Variants in RYR2 observed in about 807,000 individuals in gnomAD.
RYR2 encodes the protein cardiac muscle ryanodine receptor-calcium release channel.
In RYR2, 227 loss-of-function variants were observed where a neutral mutation model predicts 601.1. That is an observed-to-expected ratio of 0.38 (90% CI 0.34 to 0.42). RYR2 has a LOEUF of 0.42. RYR2 is among the 10% of genes least tolerant of loss of function. RYR2 has a pLI of 1.00. For synonymous variants in RYR2, 2,223 were observed against 2,175.1 expected (o/e 1.02, Z -0.61); for missense variants, 4,646 against 6,156.5 (o/e 0.75, Z 8.21).
At chr1:237,198,842 C>CTT (rs11377436) in intron 1 of RYR2, among the ~76,000 whole-genome samples, 2,710 of 147,942 alleles carry the variant, frequency 0.018, 60 homozygotes, top group African/African-American at 0.044. Flanking sequence ...ATTTTCTTAT[C>CTT]TTTTTTTTTT....
chr1:237,807,411 C>T (rs1660752032), intron 99 of RYR2, among the ~76,000 whole-genome samples: 1 of 152,166 alleles, frequency 6.6e-6, no homozygotes, highest in Non-Finnish European at 1.5e-5. Context: ...AATGCGGCGG[C>T]GCGATCTCGG....
intron 1 of RYR2, among the ~76,000 whole-genome samples, chr1:237,220,446 A>G (rs1683686791): frequency 6.6e-6 from 1 of 152,138 alleles, no homozygotes; most frequent in Admixed American, 6.5e-5. Flanking sequence ...ACACTGAGCT[A>G]TGCTACTGGC....
At position 237,434,131 on chromosome 1, in the gene RYR2, C is replaced by T. The variant is rs74147262; in HGVS notation, c.1006-7188C>T. ...GTCCCTTACCCCTAACTGTGTGAGACGGTATTGAAAGTATAAGTACATTTG... is the reference window on the plus strand; with the variant it reads ...GTCCCTTACCCCTAACTGTGTGAGATGGTATTGAAAGTATAAGTACATTTG... On this transcript the variant is annotated intron_variant, in intron 12 of 104. Coordinates refer to ENST00000366574, the MANE Select transcript of RYR2 (RefSeq NM_001035.3). Among the ~76,000 whole-genome samples, 447 of 152,206 alleles carry T rather than the reference C, an allele frequency of 2.9e-3. 3 individuals are homozygous for T. Among genetic ancestry groups the T allele is most frequent in the African/African-American group, 9.3e-3 (388 of 41,524 alleles).
At chr1:237,215,688 T>C (rs1683078048) in intron 1 of RYR2, among the ~76,000 whole-genome samples, 2 of 152,188 alleles carry the variant, frequency 1.3e-5, no homozygotes, top group Non-Finnish European at 2.9e-5. Flanking sequence ...GGATGATATA[T>C]GTAAAATTTT....
intron 58 of RYR2, 149 bp downstream of exon 58, chr1:237,668,107 T>C: frequency 1.7e-6 from 1 of 594,766 alleles, no homozygotes; most frequent in Non-Finnish European, 2.9e-6. Context: ...AAGTTGGAAA[T>C]GCTGTAATTT....
chr1:237,148,525 A>AT (rs1288744725), intron 1 of RYR2, among the ~76,000 whole-genome samples: 1,042 of 80,540 alleles, frequency 0.013, 4 homozygotes, highest in Non-Finnish European at 0.017. Context: ...TAAAAAAAAA[A>AT]AAATATATAT....
chr1:237,611,450 A>C (rs1281451902), intron 36 of RYR2, among the ~76,000 whole-genome samples: 5 of 152,224 alleles, frequency 3.3e-5, no homozygotes, highest in Non-Finnish European at 7.3e-5. Context: ...AATTGGGAAA[A>C]TACTGGGAGT....
chr1:237,526,975 T>A (rs1250318385), intron 24 of RYR2, among the ~76,000 whole-genome samples: 1 of 152,222 alleles, frequency 6.6e-6, no homozygotes, highest in Non-Finnish European at 1.5e-5. Context: ...AGTTAATTTT[T>A]GTACATGGTG....
chr1:237,262,082 T>C (rs1227735300), intron 1 of RYR2, among the ~76,000 whole-genome samples: 2 of 152,046 alleles, frequency 1.3e-5, no homozygotes, highest in Admixed American at 6.5e-5. Context: ...TGAAAGGAAC[T>C]GTTGATGTTG....
chr1:237,119,888 C>T (rs1670586784), intron 1 of RYR2, among the ~76,000 whole-genome samples: 1 of 152,184 alleles, frequency 6.6e-6, no homozygotes, highest in Admixed American at 6.5e-5. Flanking sequence ...TTACAACATT[C>T]ATGCAATTAA....
At chr1:237,301,252 C>T (rs1277451069) in intron 2 of RYR2, among the ~76,000 whole-genome samples, 2 of 152,052 alleles carry the variant, frequency 1.3e-5, no homozygotes. Context: ...CCAAGATCAT[C>T]CCTGATTGAA....
intron 25 of RYR2, among the ~76,000 whole-genome samples, chr1:237,535,659 T>G (rs75399550): frequency 1.2e-3 from 177 of 152,190 alleles, no homozygotes; most frequent in Middle Eastern, 6.8e-3. Flanking sequence ...GAAGTTATAG[T>G]CCATTGCTAT....
At chr1:237,817,139 T>A (rs1661927165) in intron 100 of RYR2, among the ~76,000 whole-genome samples, 1 of 152,116 alleles carries the variant, frequency 6.6e-6, no homozygotes, top group African/African-American at 2.4e-5. Flanking sequence ...TCTACAACCA[T>A]ACGACCCTGA....
In RYR2 at chr1:237,788,141, A is replaced by ATGTT. The variant is rs864309562; in HGVS notation, c.13476+8_13476+11dup. 7 of 1,602,744 alleles carry ATGTT rather than the reference A, an allele frequency of 4.4e-6. No homozygotes were observed. In the Middle Eastern group the frequency reaches 1.2e-3, roughly 266 times the overall value. On this transcript the variant is annotated splice_region_variant and intron_variant, in intron 92 of 104. Transcript: ENST00000366574. Reference sequence around the variant, plus strand: ...CATATCAACAGAAACTTCTAGTAAGATGTTTTAGAATGAATATTGTTACTG... The same window carrying ATGTT: ...CATATCAACAGAAACTTCTAGTAAGATGTTTGTTTTAGAATGAATATTGTTACTG...
intron 1 of RYR2, among the ~76,000 whole-genome samples, chr1:237,091,549 C>G (rs563007178): frequency 6.6e-6 from 1 of 151,990 alleles, no homozygotes; most frequent in East Asian, 1.9e-4. Context: ...CTCAGCCTCC[C>G]GAGTAGCTGG....
chr1:237,559,304 A>C (rs1035818198), intron 27 of RYR2, among the ~76,000 whole-genome samples: 1 of 152,158 alleles, frequency 6.6e-6, no homozygotes, highest in Non-Finnish European at 1.5e-5. Context: ...CCTCTCTCTA[A>C]TTCTATGGCA....
At chr1:237,631,125 C>T (rs1412248101) in intron 41 of RYR2, among the ~76,000 whole-genome samples, 3 of 152,224 alleles carry the variant, frequency 2.0e-5, no homozygotes, top group Admixed American at 6.5e-5. Flanking sequence ...AGGTTGGACA[C>T]ATGGTTGGAT....
At chr1:237,743,926 G>C (rs182545586) in intron 80 of RYR2, among the ~76,000 whole-genome samples, 1 of 152,276 alleles carries the variant, frequency 6.6e-6, no homozygotes, top group Admixed American at 6.5e-5. Flanking sequence ...TTAAGCCAGG[G>C]ACTTCTCATT....
chr1:237,503,923 G>A (rs1181883528), intron 22 of RYR2, among the ~76,000 whole-genome samples: 2 of 152,100 alleles, frequency 1.3e-5, no homozygotes, highest in Non-Finnish European at 2.9e-5. Context: ...GGCCAGGCTG[G>A]TCTTGAACTC....
Sources: allele counts gnomAD v4.1 joint callset (sites outside exome capture counted in the v4.1 genomes callset), GRCh38; gene constraint gnomAD v4.1.1; transcripts MANE v1.5; gene names NCBI Gene and HGNC (gene_info 2026-07-23, HGNC 2026-07-21).